FAM149B1: variants seen among roughly 807,000 people sequenced by gnomAD.
FAM149B1 encodes primary cilium assembly protein FAM149B1.
In FAM149B1, 56 loss-of-function variants were observed where a neutral mutation model predicts 75.3. The observed-to-expected ratio is 0.74, with a 90% CI of 0.60 to 0.93. FAM149B1 has a LOEUF of 0.93. FAM149B1 is among the 40% of genes least tolerant of loss of function. The probability of loss-of-function intolerance (pLI) is 0.00; values close to 1 mark genes in which losing one functional copy is unlikely to be tolerated. For synonymous variants in FAM149B1, 259 were observed against 256.1 expected, an observed-to-expected ratio of 1.01 and a Z score of -0.11; for missense variants, 639 against 708.4, an observed-to-expected ratio of 0.90 and a Z score of 1.11.
rs561807238 is a variant in FAM149B1 at position 73,231,641 on chromosome 10, T to C, written c.1127+1116T>C. ...AGAAACGAATGAGCTATTTTGGGAG[T>C]GAAATTTAAGTGAAATTCTATAGAA... On this transcript the variant is annotated intron_variant, in intron 9 of 13. Transcript: ENST00000242505. 1.3e-4 allele frequency among the ~76,000 whole-genome samples: 14 copies of C among 111,194 alleles called. No homozygotes were observed. The South Asian group carries it at 4.8e-3, about 38-fold the overall frequency. 72.9% of individuals were successfully genotyped at this position (111,194 alleles called of 152,430 possible). A position where few individuals can be genotyped will look rare whatever the true frequency, so the allele number is the denominator to read the frequency against.
chr10:73,200,404 C>A (rs1243412084), intron 5 of FAM149B1: 3 of 582,164 alleles, frequency 5.2e-6, no homozygotes, highest in Non-Finnish European at 1.0e-5. Flanking sequence ...TGGGAGCAAC[C>A]TGTCATGCCT....
intron 7 of FAM149B1, among the ~76,000 whole-genome samples, chr10:73,226,912 A>G (rs1218309736): frequency 6.6e-6 from 1 of 152,138 alleles, no homozygotes; most frequent in Non-Finnish European, 1.5e-5. Context: ...AGAAAAGCCA[A>G]ACTGCATGCA....
chr10:73,226,128 C>T (rs2043539951), intron 7 of FAM149B1, among the ~76,000 whole-genome samples: 2 of 148,884 alleles, frequency 1.3e-5, no homozygotes, highest in African/African-American at 2.5e-5. Context: ...AAGTAGCAGG[C>T]CAGATTTGAC....
At chr10:73,173,894 C>T (rs1039660454) in intron 1 of FAM149B1, among the ~76,000 whole-genome samples, 3 of 152,034 alleles carry the variant, frequency 2.0e-5, no homozygotes, top group African/African-American at 7.2e-5. Context: ...ACAGTTTAAA[C>T]CTGTGTTGTT....
intron 3 of FAM149B1, among the ~76,000 whole-genome samples, chr10:73,180,595 A>C (rs1207764966): frequency 2.6e-5 from 4 of 152,210 alleles, no homozygotes; most frequent in Non-Finnish European, 5.9e-5. Flanking sequence ...TTATAGTCTA[A>C]CAGGTTTTTA....
intron 5 of FAM149B1, among the ~76,000 whole-genome samples, chr10:73,206,807 T>A (rs2043070580): frequency 6.6e-6 from 1 of 152,106 alleles, no homozygotes; most frequent in South Asian, 2.1e-4. Context: ...CCCAGCTACT[T>A]GGGAGGCTGA....
chr10:73,230,602 C>A, intron 9 of FAM149B1, 77 bp downstream of exon 9: 4 of 824,476 alleles, frequency 4.9e-6, no homozygotes, highest in Non-Finnish European at 8.1e-6. Context: ...TATCAGTATG[C>A]ATGTATTGAG....
In FAM149B1 at chr10:73,235,488, T is replaced by A. The variant is rs894707403; in HGVS notation, c.1602+170T>A. 4 of 1,404,236 alleles carry A rather than the reference T, an allele frequency of 2.8e-6. No individual in the cohort carries two copies. The African/African-American group carries it at 4.4e-5, about 15-fold the overall frequency. 87.0% of individuals were successfully genotyped at this position (1,404,236 alleles called of 1,614,324 possible). A position where few individuals can be genotyped will look rare whatever the true frequency, so the allele number is the denominator to read the frequency against. ...TACATTTTGTTCAAATTCTAACTAGTCCCTGATGCCTATTCTTTAATGCCT... is the reference window on the plus strand; with the variant it reads ...TACATTTTGTTCAAATTCTAACTAGACCCTGATGCCTATTCTTTAATGCCT... On this transcript the variant is annotated intron_variant, in intron 12 of 13. Coordinates refer to ENST00000242505, the MANE Select transcript of FAM149B1 (RefSeq NM_173348.2).
intron 10 of FAM149B1, chr10:73,234,251 T>G (rs997479075): frequency 6.5e-6 from 1 of 154,494 alleles, no homozygotes; most frequent in Admixed American, 6.3e-5. Flanking sequence ...GTAGTCTTGA[T>G]GTATAATTAA....
rs2043973977 is a variant in FAM149B1 at position 73,243,245 on chromosome 10, G to C, written c.*2226G>C. ...TTCTAGGAAATACTAAGATCAGGTT[G>C]AGAGATTCTGCTTGGTCTAGTCAAT... On this transcript the variant is annotated 3_prime_UTR_variant, in exon 14 of 14. Transcript: ENST00000242505. 1 of 746,716 alleles carries C rather than the reference G, an allele frequency of 1.3e-6. No homozygotes were observed. Among genetic ancestry groups the C allele is most frequent in the Non-Finnish European group, 2.2e-6 (1 of 455,060 alleles). The allele number at this position is 746,716 out of a possible 1,614,324, so 46.3% of individuals were successfully genotyped here.
intron 10 of FAM149B1, 63 bp from the exon 11 acceptor site, chr10:73,234,754 A>G: frequency 6.6e-7 from 1 of 1,516,536 alleles, no homozygotes; most frequent in Non-Finnish European, 8.9e-7. Context: ...TTTCTAATCA[A>G]TTTGCTGGTA....
At chr10:73,178,417 G>C (rs1844064961) in intron 3 of FAM149B1, among the ~76,000 whole-genome samples, 1 of 152,034 alleles carries the variant, frequency 6.6e-6, no homozygotes, top group African/African-American at 2.4e-5. Context: ...CTTGAACGCG[G>C]GAGGTGGAGG....
chr10:73,232,913 T>C (rs781740385), intron 9 of FAM149B1, 26 bp from the exon 10 acceptor site: 4 of 1,331,604 alleles, frequency 3.0e-6, no homozygotes, highest in East Asian at 2.5e-5. Flanking sequence ...CTTTACTTCA[T>C]TGTGGGTTTC....
chr10:73,236,191 T>TC (rs973079438), intron 12 of FAM149B1, among the ~76,000 whole-genome samples: 1 of 151,114 alleles, frequency 6.6e-6, no homozygotes, highest in Non-Finnish European at 1.5e-5. Flanking sequence ...TGTATTAGTT[T>TC]CCTAGGGCTT....
intron 7 of FAM149B1, among the ~76,000 whole-genome samples, chr10:73,226,817 G>A (rs1027672010): frequency 3.9e-5 from 6 of 152,196 alleles, no homozygotes; most frequent in African/African-American, 1.2e-4. Flanking sequence ...GGACCAGTTG[G>A]TTCATTGTTG....
chr10:73,202,853 G>A, intron 5 of FAM149B1, among the ~76,000 whole-genome samples: 1 of 151,978 alleles, frequency 6.6e-6, no homozygotes, highest in Admixed American at 6.6e-5. Flanking sequence ...ACCTCATCTG[G>A]CTAATTTTGT....
chr10:73,204,944 ATTTTTTTTTTTTTTTTTTTTTTTTTTTTT>A lies in FAM149B1; in HGVS notation c.543-3651_543-3623del, dbSNP rs71021549. Among the ~76,000 whole-genome samples, 147 of 36,604 alleles carry A rather than the reference ATTTTTTTTTTTTTTTTTTTTTTTTTTTTT, an allele frequency of 4.0e-3. 1 individual carries two copies. Among genetic ancestry groups the A allele is most frequent in the Middle Eastern group, 0.025 (1 of 40 alleles). 24.0% of individuals were successfully genotyped at this position (36,604 alleles called of 152,430 possible). A position where few individuals can be genotyped will look rare whatever the true frequency, so the allele number is the denominator to read the frequency against. Reference sequence around the variant, plus strand: ...AGGCACCCGCCACCATGCCTGGCTAATTTTTTTTTTTTTTTTTTTTTTTTTTTTTTTTTTTTTTTTTTTTTTTTTTTTAG... The same window carrying A: ...AGGCACCCGCCACCATGCCTGGCTAATTTTTTTTTTTTTTTTTTTTTTTAG... On this transcript the variant is annotated intron_variant, in intron 5 of 13. Transcript: ENST00000242505.
Position 73,192,654 on chromosome 10 carries a change from A to G in FAM149B1, c.381A>G (p.Leu127=), listed in dbSNP as rs1370522671. ...EQKLSVHTKS[L]QEECQQWTAS... ...AGTTGAGTGTGCATACCAAGAGTCT[A>G]CAAGAAGAGTGCCAACAGTGGACAG... The change falls in exon 4 of 14, where the codon CTA becomes CTG. Residue 127 remains leucine (L), a synonymous_variant. Coordinates refer to ENST00000242505, the MANE Select transcript of FAM149B1 (RefSeq NM_173348.2). 2 of 1,551,142 alleles carry G rather than the reference A, an allele frequency of 1.3e-6. No individual in the cohort carries two copies. The highest frequency in any genetic ancestry group is 4.9e-5 in the East Asian group (2 of 40,830).
Position 73,243,890 on chromosome 10 carries a change from C to T in FAM149B1, c.*2871C>T, listed in dbSNP as rs767510500. 6 of 1,614,036 alleles carry T rather than the reference C, an allele frequency of 3.7e-6. No individual in the cohort carries two copies. In the East Asian group the frequency reaches 1.1e-4, roughly 30 times the overall value. On this transcript the variant is annotated 3_prime_UTR_variant, in exon 14 of 14. Transcript: ENST00000242505. ...TCCACGCCTTCATCAAGCCCCAACT[C>T]CTTTCTGCTCATTTCTGCTTCTTTG...
Sources: gnomAD v4.1 joint callset for allele counts (sites outside exome capture counted in the v4.1 genomes callset) on GRCh38, gnomAD v4.1.1 for gene constraint, MANE v1.5 for transcripts, NCBI Gene and HGNC (gene_info 2026-07-23, HGNC 2026-07-21) for gene names.